The following COL4A4 variants were observed in gnomAD, a reference collection of about 807,000 sequenced individuals.
COL4A4 encodes the protein collagen alpha-4(IV) chain.
In COL4A4, 105 loss-of-function variants were observed where a neutral mutation model predicts 192.9. The observed-to-expected ratio is 0.54, with a 90% confidence interval of 0.46 to 0.64. COL4A4 has a LOEUF of 0.64. Among genes scored for constraint, COL4A4 ranks in the 30% least tolerant of loss-of-function variants. The pLI is 0.00. For synonymous variants in COL4A4, 762 were observed against 769.9 expected (o/e 0.99, Z 0.17); for missense variants, 1,967 against 2,169.3 (o/e 0.91, Z 1.85).
chr2:227,090,194 C>T (rs941772978), intron 20 of COL4A4, among the ~76,000 whole-genome samples: 2 of 152,080 alleles, frequency 1.3e-5, no homozygotes, highest in African/African-American at 4.8e-5. Context: ...AAAGCCAACC[C>T]TAATCTCAGC....
chr2:226,972,183 G>A, the COL4A4 span, among the ~76,000 whole-genome samples: 1 of 152,022 alleles, frequency 6.6e-6, no homozygotes, highest in African/African-American at 2.4e-5. Flanking sequence ...GCGGTGTTTG[G>A]TTTTCTGTTC....
At chr2:226,999,074 G>A (rs1960277775), downstream of COL4A4, 1 of 152,272 alleles carries the variant, frequency 6.6e-6, no homozygotes. Context: ...GCTGCAATGA[G>A]AGAATGTCTT....
At chr2:227,130,011 C>T (rs763561781) in intron 4 of COL4A4, among the ~76,000 whole-genome samples, 20 of 152,142 alleles carry the variant, frequency 1.3e-4, no homozygotes, top group South Asian at 1.2e-3. Context: ...ACATCACTCA[C>T]GAATCCTTTG....
intron 25 of COL4A4, among the ~76,000 whole-genome samples, chr2:227,067,450 TGAC>T: frequency 6.6e-6 from 1 of 152,260 alleles, no homozygotes; most frequent in African/African-American, 2.4e-5. Context: ...ATTCCAAAAT[TGAC>T]CACATACTTG....
At chr2:227,109,373 A>C in intron 9 of COL4A4, 87 bp from the exon 10 acceptor site, 1 of 1,101,938 alleles carries the variant, frequency 9.1e-7, no homozygotes, top group Non-Finnish European at 1.4e-6. Flanking sequence ...CATGTGGATA[A>C]AAACCTCTAA....
intron 15 of COL4A4, among the ~76,000 whole-genome samples, chr2:227,102,525 C>T (rs2060580766): frequency 6.6e-6 from 1 of 152,202 alleles, no homozygotes; most frequent in Non-Finnish European, 1.5e-5. Context: ...TTCCTACTGG[C>T]ACTGAGGTGC....
At chr2:226,979,739 C>T in the COL4A4 span, among the ~76,000 whole-genome samples, 4 of 152,194 alleles carry the variant, frequency 2.6e-5, no homozygotes, top group Admixed American at 6.5e-5. Flanking sequence ...ACTTGAATGT[C>T]GGTCAGTCTC....
the COL4A4 span, among the ~76,000 whole-genome samples, chr2:226,992,868 G>T: frequency 6.6e-6 from 1 of 152,164 alleles, no homozygotes; most frequent in Non-Finnish European, 1.5e-5. Context: ...GACCTCAGAT[G>T]TGTCCCTAAC....
intron 1 of COL4A4, among the ~76,000 whole-genome samples, chr2:227,158,265 G>A (rs1464564084): frequency 6.6e-6 from 1 of 152,052 alleles, no homozygotes. Flanking sequence ...AACAACTGGT[G>A]CCACAACAAG....
chr2:227,075,339 G>A (rs2058967032), intron 25 of COL4A4, among the ~76,000 whole-genome samples: 2 of 152,064 alleles, frequency 1.3e-5, no homozygotes, highest in South Asian at 4.1e-4. Flanking sequence ...TTCAACATAT[G>A]CAAATCAATA....
intron 39 of COL4A4, 43 bp downstream of exon 39, chr2:227,032,105 T>C: frequency 4.3e-6 from 7 of 1,614,140 alleles, no homozygotes; most frequent in Non-Finnish European, 5.9e-6. Flanking sequence ...TGGAAGGTTT[T>C]GGTTTAGTTA....
chr2:227,149,765 T>TA (rs1425486515), intron 1 of COL4A4, among the ~76,000 whole-genome samples: 1 of 152,236 alleles, frequency 6.6e-6, no homozygotes, highest in African/African-American at 2.4e-5. Flanking sequence ...TTTATTAAAA[T>TA]AGAGTGTTGT....
chr2:227,048,720 C>G (rs1973430606), intron 34 of COL4A4, among the ~76,000 whole-genome samples: 1 of 152,076 alleles, frequency 6.6e-6, no homozygotes, highest in Non-Finnish European at 1.5e-5. Context: ...TGGCCCAATA[C>G]AAGCATGAAG....
In COL4A4 at chr2:227,050,086, C is replaced by T. The variant is rs1333536476; in HGVS notation, c.3196G>A (p.Gly1066Arg). The T allele has an allele frequency of 1.2e-6, 2 of 1,614,046 alleles. No homozygotes were observed. Among genetic ancestry groups the T allele is most frequent in the African/African-American group, 1.3e-5 (1 of 74,924 alleles). Residue 1066 changes from glycine to arginine, a missense_variant, in exon 34 of 48, where the codon GGA becomes AGA. Coordinates refer to ENST00000396625, the MANE Select transcript of COL4A4 (RefSeq NM_000092.5). ...ACCATACCTTTAGGTCCTCTTGCTC[C>T]ATCAATTCCTGAAAATCCAGGGGGA... is the stretch of plus-strand genomic sequence containing the variant. ...PGPPGFSGID[G>R]ARGPKGNKGD...
chr2:227,043,166 C>A lies in COL4A4; in HGVS notation c.3308G>T (p.Gly1103Val). Residue 1103 changes from glycine (G) to valine (V), a missense_variant, in exon 36 of 48, where the codon GGA becomes GTA. Physicochemically the swap from Gly to Val is moderately radical, Grantham distance 109 (BLOSUM62 -3). Transcript: ENST00000396625. ...TTGAATACCAGGCAAGCCCTGCTCTCCGGATGCTCCAAAATGCCCTAAAGA... is the reference window on the plus strand; with the variant it reads ...TTGAATACCAGGCAAGCCCTGCTCTACGGATGCTCCAAAATGCCCTAAAGA... Reference protein sequence around the residue: ...PGCPGHFGASGEQGLPGIQGP... With the variant: ...PGCPGHFGASVEQGLPGIQGP... The A allele has an allele frequency of 1.2e-6, 2 of 1,614,114 alleles. No individual in the cohort carries two copies. The highest frequency in any genetic ancestry group is 1.7e-6 in the Non-Finnish European group (2 of 1,179,986).
chr2:226,990,019 C>T, the COL4A4 span, among the ~76,000 whole-genome samples: 1 of 152,124 alleles, frequency 6.6e-6, no homozygotes, highest in African/African-American at 2.4e-5. Context: ...TAAATATTAC[C>T]TTTCTCGTAA....
chr2:227,099,651 A>C lies in COL4A4; in HGVS notation c.1068T>G (p.Gly356=). The C allele has an allele frequency of 6.2e-7, 1 of 1,614,046 alleles. No individual in the cohort carries two copies. Among genetic ancestry groups the C allele is most frequent in the Non-Finnish European group, 8.5e-7 (1 of 1,179,984 alleles). Reference sequence around the variant, plus strand: ...GTGGAAGAGGTGGAGTCACCAAAACACCTGGTGGTCCTGGGTGCCCTCGAT... The same window carrying C: ...GTGGAAGAGGTGGAGTCACCAAAACCCCTGGTGGTCCTGGGTGCCCTCGAT... ...PGNRGHPGPP[G]VLVTPPLPLK... Residue 356 remains glycine (G), a synonymous_variant, in exon 18 of 48, where the codon GGT becomes GGG. Transcript: ENST00000396625.
chr2:226,967,992 T>G, the COL4A4 span, among the ~76,000 whole-genome samples: 1 of 152,324 alleles, frequency 6.6e-6, no homozygotes, highest in East Asian at 1.9e-4. Context: ...GTTATATCTC[T>G]TCATGAGCAT....
chr2:227,145,938 G>A (rs1207874210), intron 2 of COL4A4, among the ~76,000 whole-genome samples: 1 of 152,190 alleles, frequency 6.6e-6, no homozygotes, highest in Admixed American at 6.5e-5. Flanking sequence ...GTTAAACACC[G>A]GGAATCAACT....
Sources: gnomAD v4.1 joint callset for allele counts (sites outside exome capture counted in the v4.1 genomes callset) on GRCh38, gnomAD v4.1.1 for gene constraint, MANE v1.5 for transcripts, NCBI Gene and HGNC (gene_info 2026-07-23, HGNC 2026-07-21) for gene names.